The following ARHGAP27 variants were observed in gnomAD, a reference collection of about 807,000 sequenced individuals.
The protein encoded by ARHGAP27 is rho GTPase-activating protein 27.
ARHGAP27 carries 53 observed loss-of-function variants against 102.0 expected under a neutral mutation model. The ratio of observed to expected loss-of-function variants is 0.52; its 90% CI spans 0.42 to 0.65. The LOEUF (loss-of-function observed/expected upper bound fraction) is 0.65, where lower values mean the gene tolerates loss of function less well. ARHGAP27 is among the 30% of genes least tolerant of loss of function. ARHGAP27 has a pLI of 0.00. For synonymous variants in ARHGAP27, 525 were observed against 542.8 expected (o/e 0.97, Z 0.46); for missense variants, 1,117 against 1,256.2 (o/e 0.89, Z 1.68).
intron 4 of ARHGAP27, among the ~76,000 whole-genome samples, chr17:45,424,464 G>T (rs1164729645): frequency 6.6e-6 from 1 of 152,152 alleles, no homozygotes; most frequent in East Asian, 1.9e-4. Flanking sequence ...CTACGCCCTG[G>T]TCACGATCAT....
chr17:45,395,207 C>T lies in ARHGAP27; in HGVS notation c.*249G>A. 1.8e-6 allele frequency: 1 copy of T among 567,066 alleles called. No homozygotes were observed. The highest frequency in any genetic ancestry group is 3.1e-6 in the Non-Finnish European group (1 of 322,680). The allele number at this position is 567,066 out of a possible 1,614,324, so 35.1% of individuals were successfully genotyped here. On this transcript the variant is annotated 3_prime_UTR_variant, in exon 20 of 20. Transcript: ENST00000685559. ...AGGCGCGATGCAACAGAGAAAAAACCGAATTAACCCCCAAACAGGACGTGA... is the reference window on the plus strand; with the variant it reads ...AGGCGCGATGCAACAGAGAAAAAACTGAATTAACCCCCAAACAGGACGTGA...
In ARHGAP27 at chr17:45,404,299, C is replaced by T. The variant is rs757137863; in HGVS notation, c.1449G>A (p.Glu483=). The change falls in exon 9 of 20, where the codon GAG becomes GAA. Residue 483 remains glutamate (E), a synonymous_variant. Transcript: ENST00000685559. ...PAELDEVGSW[E]EVSPATAAVR... is the part of the protein sequence containing the mutation. ...CAGCAGCTGTGGCAGGAGAGACTTC[C>T]TCCCAGCTCCCAACCTCATCCAGCT... The T allele has an allele frequency of 1.9e-6, 3 of 1,613,946 alleles. No individual in the cohort carries two copies. The highest frequency in any genetic ancestry group is 2.5e-6 in the Non-Finnish European group (3 of 1,179,996).
At chr17:45,402,680 C>G (rs1195133239) in intron 12 of ARHGAP27, 34 bp downstream of exon 12, 2 of 1,560,502 alleles carry the variant, frequency 1.3e-6, no homozygotes, top group African/African-American at 2.7e-5. Flanking sequence ...ATCACTAAGC[C>G]CCTTCCCTCC....
chr17:45,398,141 C>T (rs1379269191), intron 12 of ARHGAP27, 94 bp from the exon 13 acceptor site: 1 of 931,410 alleles, frequency 1.1e-6, no homozygotes, highest in African/African-American at 1.6e-5. Context: ...ATAGAGGTGA[C>T]CTGTCCCTGC....
At chr17:45,414,442 GT>G (rs771117383) in intron 4 of ARHGAP27, among the ~76,000 whole-genome samples, 254 of 139,324 alleles carry the variant, frequency 1.8e-3, no homozygotes, top group Middle Eastern at 3.6e-3. Flanking sequence ...CTCCATGTTG[GT>G]TTTTTTTTTT....
At chr17:45,412,257 C>G (rs188391489) in intron 4 of ARHGAP27, among the ~76,000 whole-genome samples, 15 of 152,338 alleles carry the variant, frequency 9.8e-5, no homozygotes, top group South Asian at 4.1e-4. Flanking sequence ...TTCCCTCCCC[C>G]CAGTGAGAGG....
intron 4 of ARHGAP27, among the ~76,000 whole-genome samples, chr17:45,411,802 C>A (rs2047942291): frequency 6.6e-6 from 1 of 151,920 alleles, no homozygotes; most frequent in Non-Finnish European, 1.5e-5. Context: ...GACTCACACA[C>A]ACACACACAC....
intron 3 of ARHGAP27, among the ~76,000 whole-genome samples, 188 bp downstream of exon 3, chr17:45,431,433 G>T (rs1267656594): frequency 6.6e-6 from 1 of 152,230 alleles, no homozygotes; most frequent in African/African-American, 2.4e-5. Context: ...AGGTTCCAAC[G>T]GGGGCCCCAG....
chr17:45,424,552 G>C (rs1413592026), intron 4 of ARHGAP27, among the ~76,000 whole-genome samples: 1 of 152,076 alleles, frequency 6.6e-6, no homozygotes, highest in Non-Finnish European at 1.5e-5. Context: ...ACCCCTCCCT[G>C]TACTGGACGC....
Position 45,412,893 on chromosome 17 carries a change from G to A in ARHGAP27, c.658-6810C>T, listed in dbSNP as rs115910354. ...GTTTGGGCCGGGACCTGGGGAAAGT[G>A]TTTAATTTTAAGCCTCCTTGGGTGA... is the stretch of plus-strand genomic sequence containing the variant. On this transcript the variant is annotated intron_variant, in intron 4 of 19. Coordinates refer to ENST00000685559, the MANE Select transcript of ARHGAP27 (RefSeq NM_001282290.2). Among the ~76,000 whole-genome samples, 253 of 137,412 alleles carry A rather than the reference G, an allele frequency of 1.8e-3. 2 individuals are homozygous for A. The highest frequency in any genetic ancestry group is 6.6e-3 in the African/African-American group (247 of 37,686). 90.1% of individuals were successfully genotyped at this position (137,412 alleles called of 152,430 possible). A position where few individuals can be genotyped will look rare whatever the true frequency, so the allele number is the denominator to read the frequency against.
chr17:45,428,325 C>T (rs925784021), intron 4 of ARHGAP27, among the ~76,000 whole-genome samples: 1 of 152,374 alleles, frequency 6.6e-6, no homozygotes, highest in Non-Finnish European at 1.5e-5. Context: ...CTGGGTGGAC[C>T]CCCTGCTGCT....
intron 4 of ARHGAP27, among the ~76,000 whole-genome samples, chr17:45,414,851 G>A (rs1224493273): frequency 3.3e-4 from 1 of 2,986 alleles, no homozygotes; most frequent in Non-Finnish European, 6.7e-4. Flanking sequence ...GAGGTCAGGA[G>A]TTCAAGACCA....
intron 12 of ARHGAP27, among the ~76,000 whole-genome samples, chr17:45,400,914 AATAATCATAATCATAATC>A (rs71136085): frequency 4.7e-5 from 7 of 148,002 alleles, no homozygotes; most frequent in Non-Finnish European, 8.9e-5. Context: ...GACTCTGGAT[AATAATCATAATCATAATC>A]ATAATCATAA....
chr17:45,429,494 G>A (rs1379297881), intron 4 of ARHGAP27, 129 bp downstream of exon 4: 2 of 1,506,538 alleles, frequency 1.3e-6, no homozygotes, highest in African/African-American at 1.5e-5. Context: ...GAGCTCATCC[G>A]AAGTCTTCGG....
intron 4 of ARHGAP27, among the ~76,000 whole-genome samples, chr17:45,428,674 C>G (rs965136139): frequency 6.6e-6 from 1 of 152,116 alleles, no homozygotes; most frequent in African/African-American, 2.4e-5. Context: ...TCAGAGGCTC[C>G]CGAGGATCAG....
At chr17:45,420,958 A>AG (rs888742457) in intron 4 of ARHGAP27, among the ~76,000 whole-genome samples, 1 of 150,094 alleles carries the variant, frequency 6.7e-6, no homozygotes, top group Non-Finnish European at 1.5e-5. Context: ...CTCAAAAAAA[A>AG]AAAAAAAAAA....
chr17:45,415,611 G>A (rs1398628716), intron 4 of ARHGAP27, among the ~76,000 whole-genome samples: 1 of 152,150 alleles, frequency 6.6e-6, no homozygotes, highest in Non-Finnish European at 1.5e-5. Flanking sequence ...GTCACTCAAG[G>A]TAGAATCATC....
chr17:45,403,188 C>A (rs969177494), intron 11 of ARHGAP27, among the ~76,000 whole-genome samples: 2 of 152,346 alleles, frequency 1.3e-5, no homozygotes, highest in East Asian at 1.9e-4. Flanking sequence ...AGTATCACCC[C>A]CTTCCTGCCA....
intron 5 of ARHGAP27, 27 bp downstream of exon 5, chr17:45,405,649 A>G: frequency 6.4e-7 from 1 of 1,550,606 alleles, no homozygotes; most frequent in Non-Finnish European, 8.7e-7. Context: ...CAGAGGTAGA[A>G]CCGCCCACTC....
Sources: allele counts gnomAD v4.1 joint callset (sites outside exome capture counted in the v4.1 genomes callset), GRCh38; gene constraint gnomAD v4.1.1; transcripts MANE v1.5; gene names NCBI Gene and HGNC (gene_info 2026-07-23, HGNC 2026-07-21).